The following YLPM1 variants were observed in gnomAD, a reference collection of about 807,000 sequenced individuals.
The protein encoded by YLPM1 is YLP motif-containing protein 1.
In YLPM1, 99 loss-of-function variants were observed where a neutral mutation model predicts 230.0. The ratio of observed to expected loss-of-function variants is 0.43; its 90% CI spans 0.37 to 0.51. YLPM1 has a LOEUF of 0.51. Ranked by LOEUF, YLPM1 falls within the 20% of genes least tolerant of loss-of-function variation. YLPM1 has a pLI of 0.00. For missense variants in YLPM1, 2,592 were observed against 2,707.7 expected, an observed-to-expected ratio of 0.96 and a Z score of 0.95; for synonymous variants, 984 against 942.5, an observed-to-expected ratio of 1.04 and a Z score of -0.81.
intron 1 of YLPM1, among the ~76,000 whole-genome samples, chr14:74,777,462 G>T (rs1273715665): frequency 6.6e-6 from 1 of 151,676 alleles, no homozygotes; most frequent in South Asian, 2.1e-4. Flanking sequence ...AGCTACTCGG[G>T]AAGCTGAGGC....
intron 5 of YLPM1, among the ~76,000 whole-genome samples, chr14:74,801,932 A>G (rs2091329812): frequency 6.6e-6 from 1 of 152,196 alleles, no homozygotes; most frequent in Non-Finnish European, 1.5e-5. Flanking sequence ...GTTGAAAAAA[A>G]TAGGCCGGGC....
chr14:74,784,875 G>T (rs2091131600), intron 4 of YLPM1, among the ~76,000 whole-genome samples: 1 of 152,148 alleles, frequency 6.6e-6, no homozygotes. Flanking sequence ...ACCTCATCCT[G>T]CTGTACTGCT....
intron 1 of YLPM1, among the ~76,000 whole-genome samples, chr14:74,765,225 G>A (rs1002782739): frequency 6.6e-6 from 1 of 152,134 alleles, no homozygotes; most frequent in Admixed American, 6.5e-5. Context: ...TCAAACTAAA[G>A]CAGAATAAAT....
chr14:74,797,870 C>T lies in YLPM1; in HGVS notation c.2573C>T (p.Pro858Leu). Residue 858 changes from proline (P) to leucine (L), a missense_variant, in exon 5 of 21, where the codon CCT (proline) becomes CTT (leucine). Around this residue, in one of 4 missense-constraint regions of YLPM1, gnomAD observed 1,862 missense variants for 1,819.8 expected, o/e 1.02. Coordinates refer to ENST00000325680, the MANE Select transcript of YLPM1 (RefSeq NM_019589.3). ...CAGCAACCTAAGTCACAAGCAGAAC[C>T]TCTTTCAGGAAACAAAGAACCATTA... Reference protein sequence around the residue: ...HQQQPKSQAEPLSGNKEPLAD... With the variant: ...HQQQPKSQAELLSGNKEPLAD... 6.2e-7 allele frequency: 1 copy of T among 1,613,962 alleles called. No individual in the cohort carries two copies. The highest frequency in any genetic ancestry group is 8.5e-7 in the Non-Finnish European group (1 of 1,179,890).
At chr14:74,803,638 C>T (rs1156448158) in intron 6 of YLPM1, among the ~76,000 whole-genome samples, 1 of 152,130 alleles carries the variant, frequency 6.6e-6, no homozygotes, top group East Asian at 1.9e-4. Context: ...GCAGCATATT[C>T]AAAATGGGGC....
intron 4 of YLPM1, among the ~76,000 whole-genome samples, chr14:74,793,624 C>T (rs1043320002): frequency 3.3e-5 from 5 of 152,044 alleles, no homozygotes; most frequent in African/African-American, 1.2e-4. Context: ...TGGACGTGTT[C>T]CTCAAATATC....
chr14:74,812,486 AT>A, intron 10 of YLPM1, 141 bp from the exon 11 acceptor site: 1 of 785,010 alleles, frequency 1.3e-6, no homozygotes, highest in Non-Finnish European at 1.8e-6. Flanking sequence ...ATTACCTTAA[AT>A]TTTCTCTAAT....
chr14:74,773,659 C>T (rs2091001748), intron 1 of YLPM1, among the ~76,000 whole-genome samples: 1 of 144,606 alleles, frequency 6.9e-6, no homozygotes, highest in Non-Finnish European at 1.5e-5. Flanking sequence ...TTTAATGCTA[C>T]ATTATTATTA....
At chr14:74,766,533 G>T (rs2090912861) in intron 1 of YLPM1, among the ~76,000 whole-genome samples, 1 of 151,972 alleles carries the variant, frequency 6.6e-6, no homozygotes, top group African/African-American at 2.4e-5. Flanking sequence ...GTCACCCAGG[G>T]TGGAGTGTAG....
rs930005649 is a variant in YLPM1, at chr14:74,763,397, G to A, written c.-93G>A. The A allele has an allele frequency of 2.9e-6, 4 of 1,368,742 alleles. No individual in the cohort carries two copies. The African/African-American group carries it at 4.5e-5, about 16-fold the overall frequency. 84.8% of individuals were successfully genotyped at this position (1,368,742 alleles called of 1,614,324 possible). A position where few individuals can be genotyped will look rare whatever the true frequency, so the allele number is the denominator to read the frequency against. On this transcript the variant is annotated 5_prime_UTR_variant, in exon 1 of 21. Coordinates refer to ENST00000325680, the MANE Select transcript of YLPM1 (RefSeq NM_019589.3). ...ACGCTCCGGGGCCTGTAGGCGCCGC[G>A]AGTTCCGGCTGTCGCCGTCGCCGCC... is the stretch of plus-strand genomic sequence containing the variant.
intron 19 of YLPM1, among the ~76,000 whole-genome samples, chr14:74,834,507 G>A (rs1409914754): frequency 6.6e-6 from 1 of 152,160 alleles, no homozygotes; most frequent in East Asian, 1.9e-4. Flanking sequence ...ATACTACGGT[G>A]TGGAAGTTCA....
At chr14:74,766,636 AT>A (rs34932979) in intron 1 of YLPM1, among the ~76,000 whole-genome samples, 115 of 110,362 alleles carry the variant, frequency 1.0e-3, no homozygotes, top group Admixed American at 2.6e-3. Flanking sequence ...ATGCCTGGCT[AT>A]TTTTTTTTTT....
chr14:74,817,536 T>TGATGTTC (rs2091488873), intron 15 of YLPM1, among the ~76,000 whole-genome samples: 1 of 152,200 alleles, frequency 6.6e-6, no homozygotes, highest in Non-Finnish European at 1.5e-5. Flanking sequence ...TGTGTAAGTA[T>TGATGTTC]ACTCCATGAT....
At chr14:74,828,032 G>T (rs1594847319) in intron 18 of YLPM1, 44 of 983,542 alleles carry the variant, frequency 4.5e-5, no homozygotes, top group Non-Finnish European at 4.6e-5. Flanking sequence ...TATGGGAAGG[G>T]GGCTTAGGAA....
In YLPM1 at chr14:74,798,980, G is replaced by A. The variant is rs1367244735; in HGVS notation, c.3683G>A (p.Arg1228Lys). ...LDDWDRERYW[R>K]ECERDYQDDT... is the part of the protein sequence containing the mutation. Reference sequence around the variant, plus strand: ...GACTGGGATAGAGAGAGATACTGGAGAGAATGTGAACGTGACTATCAAGAT... The same window carrying A: ...GACTGGGATAGAGAGAGATACTGGAAAGAATGTGAACGTGACTATCAAGAT... The change falls in exon 5 of 21, where the codon AGA (arginine) becomes AAA (lysine). Residue 1228 changes from arginine to lysine, a missense_variant. By Grantham distance (26) the Arg-to-Lys change is conservative. Around this residue, in one of 4 missense-constraint regions of YLPM1, gnomAD observed 1,862 missense variants for 1,819.8 expected, o/e 1.02. Coordinates refer to ENST00000325680, the MANE Select transcript of YLPM1 (RefSeq NM_019589.3). 6.2e-7 allele frequency: 1 copy of A among 1,613,912 alleles called. No individual in the cohort carries two copies.
intron 4 of YLPM1, among the ~76,000 whole-genome samples, chr14:74,792,408 T>C (rs910005533): frequency 1.3e-5 from 2 of 152,254 alleles, no homozygotes; most frequent in African/African-American, 4.8e-5. Context: ...TTACTTAGCA[T>C]GCTCATAATC....
chr14:74,823,357 C>T (rs1419824536), intron 17 of YLPM1, among the ~76,000 whole-genome samples: 9 of 152,064 alleles, frequency 5.9e-5, no homozygotes, highest in Non-Finnish European at 1.5e-5. Flanking sequence ...TATGTTAGGT[C>T]TAATGGAAAA....
chr14:74,807,094 T>C (rs2091386899), intron 6 of YLPM1, among the ~76,000 whole-genome samples: 1 of 152,186 alleles, frequency 6.6e-6, no homozygotes. Flanking sequence ...CATTTGTCTT[T>C]AACTGTAGCC....
At chr14:74,766,964 A>G (rs1455998229) in intron 1 of YLPM1, among the ~76,000 whole-genome samples, 1 of 149,030 alleles carries the variant, frequency 6.7e-6, no homozygotes, top group Non-Finnish European at 1.5e-5. Flanking sequence ...GCTCATTGCA[A>G]CCTCTGCCTC....
Sources: gnomAD v4.1 joint callset for allele counts (sites outside exome capture counted in the v4.1 genomes callset) on GRCh38, gnomAD v4.1.1 for gene constraint, gnomAD v4.1.1 regional missense constraint, MANE v1.5 for transcripts, NCBI Gene and HGNC (gene_info 2026-07-23, HGNC 2026-07-21) for gene names.